Variants in EXT1 observed in about 807,000 individuals in gnomAD.
EXT1 encodes the protein exostosin glycosyltransferase 1.
Under a neutral mutation model 82.5 loss-of-function variants are expected in EXT1, and 20 were observed. The ratio of observed to expected loss-of-function variants is 0.24; its 90% CI spans 0.17 to 0.35. The LOEUF (loss-of-function observed/expected upper bound fraction) is 0.35. Among genes scored for constraint, EXT1 ranks in the 10% least tolerant of loss-of-function variants. The probability of loss-of-function intolerance (pLI) is 1.00; values close to 1 mark genes in which losing one functional copy is unlikely to be tolerated. For synonymous variants in EXT1, 348 were observed against 350.8 expected (o/e 0.99, Z 0.09); for missense variants, 757 against 936.5 (o/e 0.81, Z 2.50).
intron 8 of EXT1, among the ~76,000 whole-genome samples, chr8:117,811,297 A>G (rs903591603): frequency 2.0e-5 from 3 of 152,214 alleles, no homozygotes; most frequent in African/African-American, 7.2e-5. Flanking sequence ...AGAAAGTGGC[A>G]GAAAAATGCA....
At chr8:117,845,886 C>T (rs1812350428) in intron 1 of EXT1, among the ~76,000 whole-genome samples, 1 of 152,102 alleles carries the variant, frequency 6.6e-6, no homozygotes, top group African/African-American at 2.4e-5. Context: ...TGCTACTGAC[C>T]CCAGTTTACA....
chr8:117,991,306 G>A (rs1815428053), intron 1 of EXT1, among the ~76,000 whole-genome samples: 1 of 152,032 alleles, frequency 6.6e-6, no homozygotes, highest in South Asian at 2.1e-4. Context: ...GCCATATAAA[G>A]TGCATGATGT....
chr8:118,079,152 T>A lies in EXT1; in HGVS notation c.962+30933A>T, dbSNP rs76550307. Among the ~76,000 whole-genome samples, 10 of 152,332 alleles carry A rather than the reference T, an allele frequency of 6.6e-5. No individual in the cohort carries two copies. In the East Asian group the frequency reaches 1.9e-3, roughly 29 times the overall value. On this transcript the variant is annotated intron_variant, in intron 1 of 10. Coordinates refer to ENST00000378204, the MANE Select transcript of EXT1 (RefSeq NM_000127.3). ...AATAGTCATCAAAAACATTTTTTAA[T>A]CAAAGTCAATTCTGCATAGGAAAAA... is the stretch of plus-strand genomic sequence containing the variant.
chr8:118,012,406 A>C (rs560448839), intron 1 of EXT1, among the ~76,000 whole-genome samples: 27 of 152,260 alleles, frequency 1.8e-4, no homozygotes, highest in Admixed American at 1.8e-3. Flanking sequence ...TTGTCCGGGA[A>C]GGTGAAGCTT....
At chr8:117,877,425 T>C (rs534066335) in intron 1 of EXT1, among the ~76,000 whole-genome samples, 7 of 152,328 alleles carry the variant, frequency 4.6e-5, no homozygotes, top group African/African-American at 1.7e-4. Context: ...GTCTCCACTG[T>C]AGCACAACTA....
At chr8:117,818,740 AAG>A (rs1420677041) in intron 6 of EXT1, among the ~76,000 whole-genome samples, 2 of 152,186 alleles carry the variant, frequency 1.3e-5, no homozygotes, top group East Asian at 3.8e-4. Flanking sequence ...AGAGGACAGA[AAG>A]AGCAAACAAA....
At chr8:117,845,459 G>A (rs914264614) in intron 1 of EXT1, among the ~76,000 whole-genome samples, 5 of 151,924 alleles carry the variant, frequency 3.3e-5, no homozygotes, top group Admixed American at 6.6e-5. Flanking sequence ...AACACAACAT[G>A]TACCAGGTGT....
At chr8:117,906,886 T>A (rs552325104) in intron 1 of EXT1, among the ~76,000 whole-genome samples, 9 of 152,168 alleles carry the variant, frequency 5.9e-5, no homozygotes, top group African/African-American at 2.2e-4. Flanking sequence ...ACAAACCCCA[T>A]CCAATATTGC....
At chr8:118,000,784 T>G (rs1226884721) in intron 1 of EXT1, among the ~76,000 whole-genome samples, 2 of 151,108 alleles carry the variant, frequency 1.3e-5, no homozygotes, top group African/African-American at 4.9e-5. Flanking sequence ...ACATCATGGA[T>G]GTCAGAGTTA....
intron 1 of EXT1, among the ~76,000 whole-genome samples, chr8:117,899,374 A>G (rs138638038): frequency 1.7e-3 from 260 of 152,380 alleles, no homozygotes; most frequent in Middle Eastern, 6.8e-3. Context: ...CATTCATAAT[A>G]TATCTTCCCC....
Position 117,874,598 on chromosome 8 carries a change from A to AATCCTTT in EXT1, c.963-37404_963-37398dup, listed in dbSNP as rs1441031263. ...CTCAAAAAAAAAAAAAAAAAAGAAC[A>AATCCTTT]ATCCTTTTCCTCAATTATCCTGGGT... On this transcript the variant is annotated intron_variant, in intron 1 of 10. Transcript: ENST00000378204. 4.9e-3 allele frequency among the ~76,000 whole-genome samples: 746 copies of AATCCTTT among 151,076 alleles called. 10 individuals are homozygous for AATCCTTT. Among genetic ancestry groups the AATCCTTT allele is most frequent in the African/African-American group, 0.017 (712 of 40,938 alleles).
At chr8:118,106,605 C>T (rs1226839024) in intron 1 of EXT1, among the ~76,000 whole-genome samples, 2 of 152,190 alleles carry the variant, frequency 1.3e-5, no homozygotes, top group Non-Finnish European at 2.9e-5. Context: ...CCTTGCTTTC[C>T]TTGGAGGGGG....
intron 1 of EXT1, among the ~76,000 whole-genome samples, chr8:118,086,199 G>A (rs1450221763): frequency 6.6e-6 from 1 of 152,166 alleles, no homozygotes; most frequent in East Asian, 1.9e-4. Flanking sequence ...TGCCTATCAC[G>A]TACATGGCTA....
chr8:117,941,706 CA>C (rs2129673726), intron 1 of EXT1, among the ~76,000 whole-genome samples: 1 of 152,308 alleles, frequency 6.6e-6, no homozygotes, highest in East Asian at 1.9e-4. Flanking sequence ...TTGGTTATTC[CA>C]GAATGGATCC....
chr8:117,884,628 AG>A (rs1813116679), intron 1 of EXT1, among the ~76,000 whole-genome samples: 1 of 152,152 alleles, frequency 6.6e-6, no homozygotes, highest in Non-Finnish European at 1.5e-5. Flanking sequence ...ACAGCATGCT[AG>A]AAAAAAGCCC....
intron 4 of EXT1, among the ~76,000 whole-genome samples, chr8:117,825,119 T>G (rs1253732452): frequency 2.0e-5 from 3 of 152,084 alleles, no homozygotes; most frequent in Non-Finnish European, 1.5e-5. Context: ...CAATCCTTTC[T>G]CCCCGGCCTC....
intron 1 of EXT1, among the ~76,000 whole-genome samples, chr8:117,871,283 C>T (rs1185675551): frequency 6.6e-6 from 1 of 152,144 alleles, no homozygotes; most frequent in East Asian, 1.9e-4. Flanking sequence ...CCTATAACTT[C>T]AAGACAAAAA....
At chr8:117,960,013 C>T (rs1425082573) in intron 1 of EXT1, among the ~76,000 whole-genome samples, 3 of 152,116 alleles carry the variant, frequency 2.0e-5, no homozygotes, top group East Asian at 1.9e-4. Flanking sequence ...GGAATTGAGA[C>T]CAGCCTGACC....
At chr8:118,077,386 A>C (rs901861042) in intron 1 of EXT1, among the ~76,000 whole-genome samples, 1 of 152,344 alleles carries the variant, frequency 6.6e-6, no homozygotes, top group East Asian at 1.9e-4. Context: ...AATAGAATAA[A>C]AACTGTATTT....
Sources: gnomAD v4.1 joint callset for allele counts (sites outside exome capture counted in the v4.1 genomes callset) on GRCh38, gnomAD v4.1.1 for gene constraint, MANE v1.5 for transcripts, NCBI Gene and HGNC (gene_info 2026-07-23, HGNC 2026-07-21) for gene names.